Variants in ERICH6 observed in about 807,000 individuals in gnomAD.
ERICH6 encodes the protein glutamate rich 6.
In ERICH6, 71 loss-of-function variants were observed where a neutral mutation model predicts 71.0. The ratio of observed to expected loss-of-function variants is 1.00; its 90% CI spans 0.83 to 1.22. The LOEUF is 1.22. Ranked by LOEUF, ERICH6 falls within the 50% of genes most tolerant of loss-of-function variation. The pLI is 0.00. For missense variants in ERICH6, 808 were observed against 797.2 expected, an observed-to-expected ratio of 1.01 and a Z score of -0.16; for synonymous variants, 262 against 278.4, an observed-to-expected ratio of 0.94 and a Z score of 0.59.
intron 6 of ERICH6, among the ~76,000 whole-genome samples, chr3:150,685,024 A>C (rs1341417925): frequency 6.6e-6 from 1 of 151,774 alleles, no homozygotes; most frequent in East Asian, 1.9e-4. Context: ...AAATAATAAT[A>C]ATTTTTTTAA....
At chr3:150,683,031 G>T (rs12054209) in intron 6 of ERICH6, among the ~76,000 whole-genome samples, 118,275 of 152,088 alleles carry the variant, frequency 0.78, 46,226 homozygotes, top group East Asian at 0.96. Context: ...CAAGCCTCAG[G>T]ACAGGCCTCC....
chr3:150,661,417 C>G (rs1272000313), intron 13 of ERICH6, among the ~76,000 whole-genome samples: 1 of 152,258 alleles, frequency 6.6e-6, no homozygotes, highest in African/African-American at 2.4e-5. Flanking sequence ...GTAAGCAGAA[C>G]AGGGAAACAG....
intron 13 of ERICH6, among the ~76,000 whole-genome samples, chr3:150,666,544 C>A (rs1240626442): frequency 1.3e-5 from 2 of 152,160 alleles, no homozygotes; most frequent in African/African-American, 2.4e-5. Flanking sequence ...TGGCACAGAG[C>A]AAACACTCAA....
At chr3:150,664,918 A>G (rs1453307975) in intron 13 of ERICH6, among the ~76,000 whole-genome samples, 1 of 152,048 alleles carries the variant, frequency 6.6e-6, no homozygotes, top group Non-Finnish European at 1.5e-5. Context: ...AACTTTAATA[A>G]TGAACTCTTC....
chr3:150,674,974 CAT>C (rs1343260621), intron 10 of ERICH6, among the ~76,000 whole-genome samples: 1 of 151,894 alleles, frequency 6.6e-6, no homozygotes, highest in African/African-American at 2.4e-5. Flanking sequence ...CTTCACTAAA[CAT>C]AGAAAAATTA....
chr3:150,665,707 G>T (rs963839972), intron 13 of ERICH6, among the ~76,000 whole-genome samples: 1 of 150,454 alleles, frequency 6.6e-6, no homozygotes, highest in African/African-American at 2.4e-5. Context: ...GGCGCCTGTA[G>T]TCCCAGCTAC....
Position 150,669,459 on chromosome 3 carries a change from C to T in ERICH6, c.1344-8G>A, listed in dbSNP as rs1346924191. The T allele has an allele frequency of 6.2e-7, 1 of 1,611,332 alleles. No homozygotes were observed. Among genetic ancestry groups the T allele is most frequent in the South Asian group, 1.1e-5 (1 of 90,410 alleles). On this transcript the variant is annotated splice_region_variant and splice_polypyrimidine_tract_variant and intron_variant, in intron 11 of 13. Coordinates refer to ENST00000295910, the MANE Select transcript of ERICH6 (RefSeq NM_152394.5). ...AGGTTTCCAGATGGATAGCTGAGAT[C>T]AGATAAGGTCATATAAATTGTTCTA...
intron 10 of ERICH6, among the ~76,000 whole-genome samples, chr3:150,676,277 T>C (rs901069537): frequency 3.3e-5 from 5 of 152,146 alleles, no homozygotes; most frequent in Admixed American, 6.5e-5. Flanking sequence ...ATTTCAGCTG[T>C]TGCAGTTTTC....
chr3:150,697,394 A>G (rs1019981728), intron 3 of ERICH6, among the ~76,000 whole-genome samples: 2 of 152,224 alleles, frequency 1.3e-5, no homozygotes, highest in Non-Finnish European at 2.9e-5. Flanking sequence ...TTAGCAATAA[A>G]ATGGGACTGT....
At chr3:150,663,550 C>CT (rs1249210517) in intron 13 of ERICH6, among the ~76,000 whole-genome samples, 1 of 151,896 alleles carries the variant, frequency 6.6e-6, no homozygotes, top group Non-Finnish European at 1.5e-5. Context: ...AACCCCCTGC[C>CT]CCCACCCCGC....
At chr3:150,670,269 G>A (rs923509869) in intron 11 of ERICH6, among the ~76,000 whole-genome samples, 1 of 151,956 alleles carries the variant, frequency 6.6e-6, no homozygotes, top group African/African-American at 2.4e-5. Flanking sequence ...TGGATCATGA[G>A]GTCAGGAGAT....
chr3:150,696,044 T>C lies in ERICH6; in HGVS notation c.553+2747A>G, dbSNP rs192661204. Among the ~76,000 whole-genome samples the C allele has an allele frequency of 5.3e-4, 80 of 152,042 alleles. 1 individual carries two copies. Among genetic ancestry groups the C allele is most frequent in the African/African-American group, 1.8e-3 (74 of 41,510 alleles). On this transcript the variant is annotated intron_variant, in intron 3 of 13. Transcript: ENST00000295910. ...AAATTCATTTATCATATATTAAATA[T>C]GTAAAACCATAGAAATTAAGATAGT...
chr3:150,682,071 T>C, intron 7 of ERICH6, 147 bp downstream of exon 7: 2 of 668,016 alleles, frequency 3.0e-6, no homozygotes, highest in East Asian at 5.6e-5. Context: ...CACCTCGGCC[T>C]CCCGAAGTGC....
chr3:150,672,915 C>T (rs1363253156), intron 11 of ERICH6, among the ~76,000 whole-genome samples: 2 of 151,812 alleles, frequency 1.3e-5, no homozygotes, highest in African/African-American at 4.8e-5. Flanking sequence ...GTCCCAGCTA[C>T]TTAGGATGCT....
intron 11 of ERICH6, among the ~76,000 whole-genome samples, chr3:150,670,288 T>A (rs1711498178): frequency 6.6e-6 from 1 of 151,798 alleles, no homozygotes; most frequent in Non-Finnish European, 1.5e-5. Context: ...ATTGAGATCA[T>A]CCTTGCCAAC....
Position 150,686,304 on chromosome 3 carries a change from A to G in ERICH6, c.604T>C (p.Leu202=). ...KAEPECLASK[L]REKWVINPEE... ...ATGCCAAACATGTATTTACCTCTTA[A>G]CTTAGATGCCAGACATTCAGGTTCA... Residue 202 remains leucine, a synonymous_variant, in exon 4 of 14, where the codon TTA becomes CTA. Transcript: ENST00000295910. 6.2e-7 allele frequency: 1 copy of G among 1,614,160 alleles called. No homozygotes were observed. The highest frequency in any genetic ancestry group is 8.5e-7 in the Non-Finnish European group (1 of 1,180,014).
Position 150,703,515 on chromosome 3 carries a change from G to A in ERICH6, c.384C>T (p.Ser128=). 6.2e-7 allele frequency: 1 copy of A among 1,606,646 alleles called. No homozygotes were observed. Residue 128 remains serine, a synonymous_variant, in exon 1 of 14, where the codon TCC becomes TCT. Transcript: ENST00000295910. ...STETPSASPP[S]STSSHKSFPK... is the part of the protein sequence containing the mutation. ...CGGTACTTTTATGCGAGGAGGTGCTGGAGGGTGGGCTTGCGCTCGGCGTTT... is the reference window on the plus strand; with the variant it reads ...CGGTACTTTTATGCGAGGAGGTGCTAGAGGGTGGGCTTGCGCTCGGCGTTT...
chr3:150,673,092 C>CTTCCTTCCTTCCTTCCTTT, intron 11 of ERICH6, among the ~76,000 whole-genome samples: 1 of 149,630 alleles, frequency 6.7e-6, no homozygotes, highest in South Asian at 2.1e-4. Flanking sequence ...GTAGTCTCTC[C>CTTCCTTCCTTCCTTCCTTT]TTCCTTCCTT....
rs748873285 is a variant in ERICH6, at chr3:150,673,963, G to T, written c.1336C>A (p.Gln446Lys). The T allele has an allele frequency of 3.1e-6, 5 of 1,613,594 alleles. No individual in the cohort carries two copies. Among genetic ancestry groups the T allele is most frequent in the South Asian group, 1.1e-5 (1 of 91,048 alleles). ...CTTGTTGAAAGAGGATACAATATTT[G>T]TGTTGTCCCATCTGGAAATGAAGTC... The part of the protein sequence containing the change: ...FLTSFPDGTT[Q>K]IFYPSGNLAI... Residue 446 changes from glutamine to lysine, a missense_variant, in exon 11 of 14, where the codon CAA becomes AAA. Gln to Lys is a moderately conservative substitution (Grantham distance 53, BLOSUM62 1). This residue lies in a region of ERICH6 where 736 missense variants were observed against 712.2 expected (regional missense o/e 1.03). Coordinates refer to ENST00000295910, the MANE Select transcript of ERICH6 (RefSeq NM_152394.5).
Sources: gnomAD v4.1 joint callset for allele counts (sites outside exome capture counted in the v4.1 genomes callset) on GRCh38, gnomAD v4.1.1 for gene constraint, gnomAD v4.1.1 regional missense constraint, MANE v1.5 for transcripts, NCBI Gene and HGNC (gene_info 2026-07-23, HGNC 2026-07-21) for gene names.